Variants in IQCN observed in about 807,000 individuals in gnomAD.
The protein encoded by IQCN is IQ motif containing N.
IQCN carries 46 observed loss-of-function variants against 64.4 expected under a neutral mutation model. The observed-to-expected ratio is 0.71, with a 90% confidence interval of 0.56 to 0.91. The LOEUF is 0.91. Ranked by LOEUF, IQCN falls within the 40% of genes least tolerant of loss-of-function variation. IQCN has a pLI of 0.00. For synonymous variants in IQCN, 733 were observed against 775.6 expected (o/e 0.95, Z 0.91); for missense variants, 1,753 against 1,857.4 (o/e 0.94, Z 1.03).
In IQCN at chr19:18,267,282, G is replaced by C. The variant is rs200142797; in HGVS notation, c.258C>G (p.Val86=). 1.2e-6 allele frequency: 2 copies of C among 1,614,266 alleles called. No individual in the cohort carries two copies. The highest frequency in any genetic ancestry group is 1.7e-6 in the Non-Finnish European group (2 of 1,180,058). Reference sequence around the variant, plus strand: ...GGATGTTCTTGAAGGCCTGGCTCTCGACCACAGCCCGGAGGCGTGGGACGC... The same window carrying C: ...GGATGTTCTTGAAGGCCTGGCTCTCCACCACAGCCCGGAGGCGTGGGACGC... ...SRRVPRLRAV[V]ESQAFKNILV... is the part of the protein sequence containing the mutation. Residue 86 remains valine (V), a synonymous_variant, in exon 3 of 4, where the codon GTC becomes GTG. Transcript: ENST00000392413.
rs191764861 is a variant in IQCN, at chr19:18,269,702, G to A, written c.-109-115C>T. On this transcript the variant is annotated intron_variant, in intron 1 of 3. Coordinates refer to ENST00000392413, the MANE Select transcript of IQCN (RefSeq NM_001145304.2). ...AAAAAAAAAAATGTGCAAAGATGAG[G>A]AAATTTATTCCAGTGTTATTTTGTA... 663 of 504,642 alleles carry A rather than the reference G, an allele frequency of 1.3e-3. 4 individuals are homozygous for A. The highest frequency in any genetic ancestry group is 3.3e-4 in the Non-Finnish European group (94 of 284,520). The allele number at this position is 504,642 out of a possible 1,614,324, so 31.3% of individuals were successfully genotyped here. A position where few individuals can be genotyped will look rare whatever the true frequency, so the allele number is the denominator to read the frequency against.
In IQCN at chr19:18,264,983, C is replaced by G. The variant is rs150764416; in HGVS notation, c.2557G>C (p.Gly853Arg). 459 of 1,607,040 alleles carry G rather than the reference C, an allele frequency of 2.9e-4. No homozygotes were observed. Among genetic ancestry groups the G allele is most frequent in the Non-Finnish European group, 3.5e-4 (410 of 1,179,874 alleles). ...TCNVESWGDNGATRAQPSMPG... is the reference protein window; with the variant it reads ...TCNVESWGDNRATRAQPSMPG... ...ATTGATGGCTGGGCACGTGTGGCTCCGTTGTCTCCCCAGGACTCAACGTTG... is the reference window on the plus strand; with the variant it reads ...ATTGATGGCTGGGCACGTGTGGCTCGGTTGTCTCCCCAGGACTCAACGTTG... The change falls in exon 3 of 4, where the codon GGA becomes CGA. Residue 853 changes from glycine (G) to arginine (R), a missense_variant. Transcript: ENST00000392413. The surrounding 1 kb of genome is among the most constrained non-coding windows in gnomAD (Gnocchi z 4.3).
Position 18,267,040 on chromosome 19 carries a change from G to T in IQCN, c.500C>A (p.Ala167Asp), listed in dbSNP as rs1421780824. 6.2e-7 allele frequency: 1 copy of T among 1,614,262 alleles called. No homozygotes were observed. The highest frequency in any genetic ancestry group is 1.7e-5 in the Admixed American group (1 of 60,028). ...ATGCTGGAAGCGCACCTGCTGTGGG[G>T]CGTGATAAGGTATGTCCCCCTCCTC... ...RAEEGDIPYH[A>D]PQQVRFQHPE... is the part of the protein sequence containing the mutation. Residue 167 changes from alanine to aspartate, a missense_variant, in exon 3 of 4, where the codon GCC becomes GAC. By Grantham distance (126) the Ala-to-Asp change is moderately radical. Transcript: ENST00000392413.
rs750962853 is a variant in IQCN, at chr19:18,266,058, C to G, written c.1482G>C (p.Gln494His). The G allele has an allele frequency of 1.9e-6, 3 of 1,613,306 alleles. No homozygotes were observed. The highest frequency in any genetic ancestry group is 2.5e-6 in the Non-Finnish European group (3 of 1,179,796). ...TGGTTATCATGGCTGGCAGGCGGGT[C>G]TGGGGTGAGGGCTTGGTCACCCCAA... ...SPVGVTKPSPQTRLPAMITKT... is the reference protein window; with the variant it reads ...SPVGVTKPSPHTRLPAMITKT... Residue 494 changes from glutamine to histidine, a missense_variant, in exon 3 of 4, where the codon CAG (glutamine) becomes CAC (histidine). Gln to His is a conservative substitution (Grantham distance 24). Coordinates refer to ENST00000392413, the MANE Select transcript of IQCN (RefSeq NM_001145304.2). The surrounding 1 kb of genome is among the most constrained non-coding windows in gnomAD (Gnocchi z 4.3).
chr19:18,263,455 G>A (rs982114843), intron 3 of IQCN, among the ~76,000 whole-genome samples: 5 of 152,320 alleles, frequency 3.3e-5, no homozygotes, highest in African/African-American at 4.8e-5. Flanking sequence ...CCCTGTGTTC[G>A]ATTCCTCCCC....
chr19:18,264,815 C>G lies in IQCN; in HGVS notation c.2725G>C (p.Ala909Pro). 1 of 1,559,048 alleles carries G rather than the reference C, an allele frequency of 6.4e-7. No homozygotes were observed. The highest frequency in any genetic ancestry group is 8.7e-7 in the Non-Finnish European group (1 of 1,151,226). The change falls in exon 3 of 4, where the codon GCA becomes CCA. Residue 909 changes from alanine (A) to proline (P), a missense_variant. Physicochemically the swap from Ala to Pro is conservative, Grantham distance 27. Coordinates refer to ENST00000392413, the MANE Select transcript of IQCN (RefSeq NM_001145304.2). This position sits in a 1 kb window ranked among gnomAD's most constrained non-coding sequence, Gnocchi z 4.3. ...AKALSQGEVW[A>P]ALNQALSKEV... is the part of the protein sequence containing the mutation. ...TTGGACAGGGCCTGGTTCAGAGCTGCCCAGACTTCTCCCTGGGAGAGGGCT... is the reference window on the plus strand; with the variant it reads ...TTGGACAGGGCCTGGTTCAGAGCTGGCCAGACTTCTCCCTGGGAGAGGGCT...
rs1969692441 is a variant in IQCN, at chr19:18,269,664, C to A, written c.-109-77G>T. On this transcript the variant is annotated intron_variant, in intron 1 of 3. Transcript: ENST00000392413. ...CTAAAATTTCTAAATTCTAAAAAAG[C>A]TAAATTCTAAAAAAAAAAAAAAATG... is the stretch of plus-strand genomic sequence containing the variant. 3.2e-5 allele frequency: 14 copies of A among 435,116 alleles called. No individual in the cohort carries two copies. The South Asian group carries it at 3.5e-4, about 11-fold the overall frequency. The allele number at this position is 435,116 out of a possible 1,614,324, so 27.0% of individuals were successfully genotyped here.
At chr19:18,272,896 C>A (rs983299815) in intron 1 of IQCN, among the ~76,000 whole-genome samples, 2 of 152,178 alleles carry the variant, frequency 1.3e-5, no homozygotes, top group African/African-American at 4.8e-5. Flanking sequence ...AGGCGTGAGC[C>A]ACCGCGCCTG....
At chr19:18,268,961 CAAAAAAAAA>C (rs35086395) in intron 2 of IQCN, among the ~76,000 whole-genome samples, 1 of 54,412 alleles carries the variant, frequency 1.8e-5, no homozygotes, top group Non-Finnish European at 3.6e-5. Context: ...GACTCTGTCT[CAAAAAAAAA>C]AAAAAAAAAA....
rs759022477 is a variant in IQCN at position 18,265,975 on chromosome 19, G to A, written c.1565C>T (p.Ser522Phe). The part of the protein sequence containing the change: ...ATILKTLCLA[S>F]PTVANVKAPP... ...AGCCTTGACATTTGCCACTGTTGGA[G>A]AGGCCAGACACAGAGTCTTGAGGAT... is the stretch of plus-strand genomic sequence containing the variant. The change falls in exon 3 of 4, where the codon TCT becomes TTT. Residue 522 changes from serine to phenylalanine, a missense_variant. By Grantham distance (155) the Ser-to-Phe change is radical. Transcript: ENST00000392413. This position sits in a 1 kb window ranked among gnomAD's most constrained non-coding sequence, Gnocchi z 4.7. The A allele has an allele frequency of 1.9e-6, 3 of 1,614,196 alleles. No homozygotes were observed. The highest frequency in any genetic ancestry group is 1.7e-6 in the Non-Finnish European group (2 of 1,180,022).
At position 18,267,601 on chromosome 19, in the gene IQCN, T is replaced by C. The variant is rs1052820240; in HGVS notation, c.14-75A>G. ...GAGGTCTCCTGGCTGGGGTGGACACTGGCCCCCCAGGCCCAGATCTTGTTC... is the reference window on the plus strand; with the variant it reads ...GAGGTCTCCTGGCTGGGGTGGACACCGGCCCCCCAGGCCCAGATCTTGTTC... On this transcript the variant is annotated intron_variant, in intron 2 of 3. Coordinates refer to ENST00000392413, the MANE Select transcript of IQCN (RefSeq NM_001145304.2). 6.2e-6 allele frequency: 9 copies of C among 1,450,244 alleles called. No individual in the cohort carries two copies. The African/African-American group carries it at 7.1e-5, about 11-fold the overall frequency. The allele number at this position is 1,450,244 out of a possible 1,614,324, so 89.8% of individuals were successfully genotyped here. A position where few individuals can be genotyped will look rare whatever the true frequency, so the allele number is the denominator to read the frequency against.
Position 18,265,535 on chromosome 19 carries a change from C to T in IQCN, c.2005G>A (p.Ala669Thr). ...RGQLAAPLTN[A>T]SSQRHPPCLS... ...CAGGGTGGATGTCTCTGGGATGAGG[C>T]ATTGGTCAGTGGGGCAGCCAGCTGT... Residue 669 changes from alanine to threonine, a missense_variant, in exon 3 of 4, where the codon GCC (alanine) becomes ACC (threonine). Coordinates refer to ENST00000392413, the MANE Select transcript of IQCN (RefSeq NM_001145304.2). The surrounding 1 kb of genome is among the most constrained non-coding windows in gnomAD (Gnocchi z 4.7). 6.2e-7 allele frequency: 1 copy of T among 1,612,180 alleles called. No individual in the cohort carries two copies. Among genetic ancestry groups the T allele is most frequent in the Non-Finnish European group, 8.5e-7 (1 of 1,178,670 alleles).
intron 2 of IQCN, among the ~76,000 whole-genome samples, chr19:18,269,055 G>C (rs556033412): frequency 2.0e-5 from 3 of 151,694 alleles, no homozygotes; most frequent in Admixed American, 1.3e-4. Context: ...GCTTGAACCC[G>C]GGAGGAGGAG....
intron 2 of IQCN, among the ~76,000 whole-genome samples, chr19:18,268,729 C>T (rs533349903): frequency 1.0e-3 from 154 of 151,726 alleles, no homozygotes; most frequent in African/African-American, 3.6e-3. Flanking sequence ...TTTGGGAGGC[C>T]GAGGTGAGCG....
rs762996304 is a variant in IQCN at position 18,266,329 on chromosome 19, T to C, written c.1211A>G (p.Gln404Arg). 7 of 1,612,920 alleles carry C rather than the reference T, an allele frequency of 4.3e-6. No individual in the cohort carries two copies. Among genetic ancestry groups the C allele is most frequent in the Non-Finnish European group, 5.9e-6 (7 of 1,179,618 alleles). ...TCPMPTMTKI[Q>R]VHPTASRTGT... ...AGTTCTGGAGGCTGTGGGGTGTACC[T>C]GGATCTTGGTCATTGTGGGCATGGG... is the stretch of plus-strand genomic sequence containing the variant. Residue 404 changes from glutamine (Q) to arginine (R), a missense_variant, in exon 3 of 4, where the codon CAG becomes CGG. By Grantham distance (43) the Gln-to-Arg change is conservative (BLOSUM62 1). Transcript: ENST00000392413. The surrounding 1 kb of genome is among the most constrained non-coding windows in gnomAD (Gnocchi z 4.3).
rs1302791818 is a variant in IQCN at position 18,264,146 on chromosome 19, C to T, written c.3177+217G>A. Among the ~76,000 whole-genome samples, 3 of 152,176 alleles carry T rather than the reference C, an allele frequency of 2.0e-5. No individual in the cohort carries two copies. In the East Asian group the frequency reaches 5.8e-4, roughly 29 times the overall value. The stretch of plus-strand genomic sequence containing the variant: ...TTGAGGAGAAGTCCCTGCTGGACTC[C>T]ATCATCTCCCGGGACAGCATGGGAT... On this transcript the variant is annotated intron_variant, in intron 3 of 3. Coordinates refer to ENST00000392413, the MANE Select transcript of IQCN (RefSeq NM_001145304.2). The surrounding 1 kb of genome is among the most constrained non-coding windows in gnomAD (Gnocchi z 4.3).
At position 18,257,900 on chromosome 19, in the gene IQCN, C is replaced by G; in HGVS notation, c.3384G>C (p.Leu1128=). ...GCCACAGCCGGATCCTGCGACGCGCCAGGTAGCCACGGACGCCCGCCTGGA... is the reference window on the plus strand; with the variant it reads ...GCCACAGCCGGATCCTGCGACGCGCGAGGTAGCCACGGACGCCCGCCTGGA... ...ITIQAGVRGY[L]ARRRIRLWHR... Residue 1128 remains leucine (L), a synonymous_variant, in exon 4 of 4, where the codon CTG becomes CTC. Coordinates refer to ENST00000392413, the MANE Select transcript of IQCN (RefSeq NM_001145304.2). 6.2e-7 allele frequency: 1 copy of G among 1,612,770 alleles called. No individual in the cohort carries two copies. The highest frequency in any genetic ancestry group is 8.5e-7 in the Non-Finnish European group (1 of 1,179,928).
rs1193569884 is a variant in IQCN, at chr19:18,266,565, G to A, written c.975C>T (p.Ala325=). The A allele has an allele frequency of 1.2e-6, 2 of 1,613,446 alleles. No homozygotes were observed. The highest frequency in any genetic ancestry group is 2.7e-5 in the African/African-American group (2 of 74,846). Residue 325 remains alanine (A), a synonymous_variant, in exon 3 of 4, where the codon GCC becomes GCT. Coordinates refer to ENST00000392413, the MANE Select transcript of IQCN (RefSeq NM_001145304.2). The surrounding 1 kb of genome is among the most constrained non-coding windows in gnomAD (Gnocchi z 4.3). ...TGGGCCCTGGACATATCTGGAAGGGGGCTTTGGGGGTCTCTGCTTTCACAG... is the reference window on the plus strand; with the variant it reads ...TGGGCCCTGGACATATCTGGAAGGGAGCTTTGGGGGTCTCTGCTTTCACAG... ...QGPVKAETPK[A]PFQICPGPMI... is the part of the protein sequence containing the mutation.
At position 18,264,862 on chromosome 19, in the gene IQCN, T is replaced by C. The variant is rs780206205; in HGVS notation, c.2678A>G (p.Asp893Gly). Reference sequence around the variant, plus strand: ...GGCTTTGGCCAACAGAGTGCGGAGATCCTCCTGGGATGCCAGCACACCAGC... The same window carrying C: ...GGCTTTGGCCAACAGAGTGCGGAGACCCTCCTGGGATGCCAGCACACCAGC... ...EVAGVLASQE[D>G]LRTLLAKALS... Residue 893 changes from aspartate (D) to glycine (G), a missense_variant, in exon 3 of 4, where the codon GAT becomes GGT. Coordinates refer to ENST00000392413, the MANE Select transcript of IQCN (RefSeq NM_001145304.2). This position sits in a 1 kb window ranked among gnomAD's most constrained non-coding sequence, Gnocchi z 4.3. The C allele has an allele frequency of 6.2e-7, 1 of 1,607,708 alleles. No individual in the cohort carries two copies. Among genetic ancestry groups the C allele is most frequent in the Non-Finnish European group, 8.5e-7 (1 of 1,177,538 alleles).
Sources: gnomAD v4.1 joint callset for allele counts (sites outside exome capture counted in the v4.1 genomes callset) on GRCh38, gnomAD v4.1.1 for gene constraint, Gnocchi (gnomAD v3.1) non-coding constraint, MANE v1.5 for transcripts, NCBI Gene and HGNC (gene_info 2026-07-23, HGNC 2026-07-21) for gene names.